Variants in OXR1 observed in about 807,000 individuals in gnomAD.
OXR1 encodes the protein oxidation resistance 1.
A neutral mutation model predicts 104.6 loss-of-function variants in OXR1; 41 were observed. The observed-to-expected ratio is 0.39, with a 90% CI of 0.31 to 0.51. The LOEUF is 0.51. Ranked by LOEUF, OXR1 falls within the 20% of genes least tolerant of loss-of-function variation. The pLI, the probability that OXR1 is intolerant of heterozygous loss-of-function variation, is 0.77. For missense variants in OXR1, 955 were observed against 1,031.9 expected, an observed-to-expected ratio of 0.93 and a Z score of 1.02; for synonymous variants, 348 against 348.4, an observed-to-expected ratio of 1.00 and a Z score of 0.01.
At position 106,683,364 on chromosome 8, in the gene OXR1, G is replaced by A. The variant is rs1828369639; in HGVS notation, c.411+58G>A. 5 of 814,128 alleles carry A rather than the reference G, an allele frequency of 6.1e-6. No homozygotes were observed. The East Asian group carries it at 7.4e-5, about 12-fold the overall frequency. The allele number at this position is 814,128 out of a possible 1,614,324, so 50.4% of individuals were successfully genotyped here. On this transcript the variant is annotated intron_variant, in intron 5 of 16. Transcript: ENST00000517566. ...GAAACATTAAACAGAAAGGCAGAAA[G>A]TATTTATTGTACTGTAGTTAATAAT...
chr8:106,742,533 C>T (rs1835009116), intron 15 of OXR1: 3 of 406,010 alleles, frequency 7.4e-6, no homozygotes, highest in Admixed American at 4.4e-5. Flanking sequence ...CATCACGTTA[C>T]GTGACTTCAA....
At chr8:106,438,935 A>T (rs185278003) in intron 2 of OXR1, among the ~76,000 whole-genome samples, 23 of 152,202 alleles carry the variant, frequency 1.5e-4, no homozygotes, top group Non-Finnish European at 2.9e-5. Context: ...ATGCATCCCC[A>T]TTGCTGTTCT....
intron 3 of OXR1, chr8:106,658,220 G>T: frequency 1.6e-6 from 2 of 1,232,270 alleles, no homozygotes; most frequent in South Asian, 8.2e-5. Context: ...CCGCGCGGCC[G>T]ACCTGGGCTG....
intron 1 of OXR1, among the ~76,000 whole-genome samples, chr8:106,342,099 C>T (rs1388700590): frequency 1.3e-5 from 2 of 150,930 alleles, no homozygotes; most frequent in African/African-American, 4.9e-5. Context: ...CTATGTTGCT[C>T]AGCCTGGTCT....
intron 3 of OXR1, among the ~76,000 whole-genome samples, chr8:106,549,889 A>G (rs1464739540): frequency 6.6e-6 from 1 of 152,154 alleles, no homozygotes; most frequent in Non-Finnish European, 1.5e-5. Context: ...CAACACAAAC[A>G]ATCCTATTTT....
At chr8:106,361,721 A>G (rs1816253552) in intron 2 of OXR1, among the ~76,000 whole-genome samples, 1 of 152,194 alleles carries the variant, frequency 6.6e-6, no homozygotes, top group Non-Finnish European at 1.5e-5. Context: ...ACTCATCATT[A>G]CATTAATTTA....
chr8:106,525,388 G>A (rs1334692735), intron 3 of OXR1, among the ~76,000 whole-genome samples: 1 of 152,172 alleles, frequency 6.6e-6, no homozygotes. Flanking sequence ...CCAGTTTAAT[G>A]TAATTGCAGA....
At chr8:106,649,210 A>G (rs1824336736) in intron 3 of OXR1, among the ~76,000 whole-genome samples, 1 of 152,102 alleles carries the variant, frequency 6.6e-6, no homozygotes, top group African/African-American at 2.4e-5. Context: ...ATCTCAAACA[A>G]GAAAACAACA....
chr8:106,580,256 C>G (rs1818135038), intron 3 of OXR1, among the ~76,000 whole-genome samples: 1 of 151,970 alleles, frequency 6.6e-6, no homozygotes, highest in Non-Finnish European at 1.5e-5. Context: ...TCTCCTTTTC[C>G]CCTCCCTCAA....
At position 106,341,807 on chromosome 8, in the gene OXR1, C is replaced by T. The variant is rs1432675694; in HGVS notation, c.-138-17669C>T. Among the ~76,000 whole-genome samples, 4 of 152,120 alleles carry T rather than the reference C, an allele frequency of 2.6e-5. No individual in the cohort carries two copies. In the East Asian group the frequency reaches 7.7e-4, roughly 29 times the overall value. ...TCCAAGATCACCTCATTTTGTCAAG[C>T]CTCAGAGGAGGTTTTCTCCTCTTTT... On this transcript the variant is annotated intron_variant, in intron 1 of 16. Transcript: ENST00000517566.
At chr8:106,502,640 C>T (rs1025927531) in intron 2 of OXR1, among the ~76,000 whole-genome samples, 5 of 152,056 alleles carry the variant, frequency 3.3e-5, no homozygotes, top group African/African-American at 9.7e-5. Flanking sequence ...AAAATATTTT[C>T]GTTTTATATA....
At chr8:106,372,256 A>G (rs1430528050) in intron 2 of OXR1, among the ~76,000 whole-genome samples, 2 of 151,562 alleles carry the variant, frequency 1.3e-5, no homozygotes, top group African/African-American at 4.9e-5. Context: ...GGCTGGGGGG[A>G]GGGGGTTCCC....
At chr8:106,730,406 C>T (rs1833772637) in intron 11 of OXR1, among the ~76,000 whole-genome samples, 1 of 151,690 alleles carries the variant, frequency 6.6e-6, no homozygotes, top group Admixed American at 6.6e-5. Context: ...CATTCCCTTC[C>T]AGTGAACACC....
Position 106,417,789 on chromosome 8 carries a change from A to G in OXR1, c.23+58153A>G, listed in dbSNP as rs529238640. 1.1e-3 allele frequency among the ~76,000 whole-genome samples: 174 copies of G among 152,292 alleles called. 1 individual carries two copies. Among genetic ancestry groups the G allele is most frequent in the African/African-American group, 3.8e-3 (160 of 41,578 alleles). ...CAGTCAGGGTCCCAACCGGAAATAG[A>G]TGGCACTCTCAAAACTGGTAATTTG... is the stretch of plus-strand genomic sequence containing the variant. On this transcript the variant is annotated intron_variant, in intron 2 of 16. Transcript: ENST00000517566.
intron 11 of OXR1, among the ~76,000 whole-genome samples, chr8:106,717,229 G>GAGT (rs1226240627): frequency 1.1e-4 from 16 of 152,232 alleles, no homozygotes; most frequent in Admixed American, 3.3e-4. Flanking sequence ...TTAAACTAAT[G>GAGT]AGTACTCATT....
At position 106,740,631 on chromosome 8, in the gene OXR1, G is replaced by A. The variant is rs184382389; in HGVS notation, c.2316+136G>A. 1.4e-4 allele frequency: 99 copies of A among 692,776 alleles called. No individual in the cohort carries two copies. The Middle Eastern group carries it at 1.6e-3, about 11-fold the overall frequency. 42.9% of individuals were successfully genotyped at this position (692,776 alleles called of 1,614,324 possible). A position where few individuals can be genotyped will look rare whatever the true frequency, so the allele number is the denominator to read the frequency against. On this transcript the variant is annotated intron_variant, in intron 14 of 16. Transcript: ENST00000517566. ...GATAATTACTGGGTACTTTTAATATGCAAGGCAATGTTGAGTATTACAGAG... is the reference window on the plus strand; with the variant it reads ...GATAATTACTGGGTACTTTTAATATACAAGGCAATGTTGAGTATTACAGAG...
intron 11 of OXR1, among the ~76,000 whole-genome samples, chr8:106,716,342 A>ATTTTAAT: frequency 1.0e-5 from 1 of 95,478 alleles, no homozygotes; most frequent in East Asian, 3.4e-4. Flanking sequence ...TACACACTGG[A>ATTTTAAT]GGCCGGGCGC....
rs1439297320 is a variant in OXR1, at chr8:106,726,138, C to T, written c.1957-11382C>T. 3 of 1,432,296 alleles carry T rather than the reference C, an allele frequency of 2.1e-6. No homozygotes were observed. The African/African-American group carries it at 4.4e-5, about 21-fold the overall frequency. 88.7% of individuals were successfully genotyped at this position (1,432,296 alleles called of 1,614,324 possible). A position where few individuals can be genotyped will look rare whatever the true frequency, so the allele number is the denominator to read the frequency against. On this transcript the variant is annotated intron_variant, in intron 11 of 16. Transcript: ENST00000517566. ...TTGTCTCTAGCAAACTGTTTTGTCACTGTAGTAAGGCTCTAGTGCTGGAAA... is the reference window on the plus strand; with the variant it reads ...TTGTCTCTAGCAAACTGTTTTGTCATTGTAGTAAGGCTCTAGTGCTGGAAA...
At chr8:106,493,543 C>G (rs74775031) in intron 2 of OXR1, among the ~76,000 whole-genome samples, 8,177 of 152,110 alleles carry the variant, frequency 0.054, 296 homozygotes, top group African/African-American at 0.092. Flanking sequence ...CCGTTTGATT[C>G]TTTCATGCTT....
Sources: allele counts gnomAD v4.1 joint callset (sites outside exome capture counted in the v4.1 genomes callset), GRCh38; gene constraint gnomAD v4.1.1; transcripts MANE v1.5; gene names NCBI Gene and HGNC (gene_info 2026-07-23, HGNC 2026-07-21).